Variants in RAB11FIP4 observed in about 807,000 individuals in gnomAD.
The protein encoded by RAB11FIP4 is rab11 family-interacting protein 4.
Under a neutral mutation model 74.3 loss-of-function variants are expected in RAB11FIP4, and 23 were observed. The ratio of observed to expected loss-of-function variants is 0.31; its 90% CI spans 0.22 to 0.44. The LOEUF (loss-of-function observed/expected upper bound fraction) is 0.44, where lower values mean the gene tolerates loss of function less well. RAB11FIP4 is among the 20% of genes least tolerant of loss of function. The probability of loss-of-function intolerance (pLI) is 1.00; values close to 1 mark genes in which losing one functional copy is unlikely to be tolerated. For missense variants in RAB11FIP4, 630 were observed against 863.9 expected (o/e 0.73, Z 3.39); for synonymous variants, 360 against 359.9 (o/e 1.00, Z 0.00).
chr17:31,525,501 T>A, intron 10 of RAB11FIP4: 2 of 472,480 alleles, frequency 4.2e-6, no homozygotes, highest in Non-Finnish European at 7.5e-6. Context: ...GGGCCTGGGC[T>A]GGGTCTCACA....
At chr17:31,499,395 C>T (rs1204172152) in intron 3 of RAB11FIP4, among the ~76,000 whole-genome samples, 1 of 151,996 alleles carries the variant, frequency 6.6e-6, no homozygotes, top group Admixed American at 6.6e-5. Context: ...TTCACTCTGT[C>T]GCCAGGCTGG....
At chr17:31,453,548 CGTT>C (rs1371200257) in intron 3 of RAB11FIP4, among the ~76,000 whole-genome samples, 1 of 151,630 alleles carries the variant, frequency 6.6e-6, no homozygotes, top group South Asian at 2.1e-4. Flanking sequence ...CTCCCAGGGT[CGTT>C]GTCAAAATGA....
At chr17:31,473,742 C>T (rs751617116) in intron 3 of RAB11FIP4, among the ~76,000 whole-genome samples, 3 of 152,150 alleles carry the variant, frequency 2.0e-5, no homozygotes, top group Non-Finnish European at 2.9e-5. Context: ...GAGGTTGGTG[C>T]GATTTGCTCA....
chr17:31,474,899 T>C (rs2071776446), intron 3 of RAB11FIP4, among the ~76,000 whole-genome samples: 1 of 151,018 alleles, frequency 6.6e-6, no homozygotes, highest in African/African-American at 2.4e-5. Flanking sequence ...AAAACAGAGA[T>C]TCACCTCACC....
At chr17:31,407,745 T>G (rs1291174568) in intron 1 of RAB11FIP4, among the ~76,000 whole-genome samples, 1 of 152,114 alleles carries the variant, frequency 6.6e-6, no homozygotes, top group African/African-American at 2.4e-5. Flanking sequence ...TGATGTTCAT[T>G]TGTTCTATTT....
intron 3 of RAB11FIP4, among the ~76,000 whole-genome samples, chr17:31,491,583 G>A (rs1305128089): frequency 2.6e-5 from 4 of 152,184 alleles, no homozygotes; most frequent in African/African-American, 7.2e-5. Flanking sequence ...GAGGTGGGAC[G>A]GTGGCTGGCA....
At chr17:31,505,307 T>G (rs1465121383) in intron 3 of RAB11FIP4, among the ~76,000 whole-genome samples, 2 of 145,868 alleles carry the variant, frequency 1.4e-5, no homozygotes, top group African/African-American at 5.1e-5. Flanking sequence ...TTGAGTGTAG[T>G]GTTCTGTATG....
chr17:31,392,143 G>A, intron 1 of RAB11FIP4, 132 bp downstream of exon 1: 1 of 713,254 alleles, frequency 1.4e-6, no homozygotes, highest in Non-Finnish European at 1.9e-6. Flanking sequence ...CCCTCCGCCG[G>A]AGCCCAGGAC....
intron 3 of RAB11FIP4, among the ~76,000 whole-genome samples, chr17:31,458,022 C>T (rs972315567): frequency 6.6e-6 from 1 of 152,174 alleles, no homozygotes; most frequent in Non-Finnish European, 1.5e-5. Flanking sequence ...ATGCTAATCT[C>T]CTTTAACCAC....
chr17:31,461,989 C>T (rs932513838), intron 3 of RAB11FIP4, among the ~76,000 whole-genome samples: 1 of 151,942 alleles, frequency 6.6e-6, no homozygotes, highest in African/African-American at 2.4e-5. Context: ...TGGCTGGGTG[C>T]GGTGGCTCAT....
chr17:31,421,994 A>T lies in RAB11FIP4; in HGVS notation c.160-9819A>T, dbSNP rs1479099719. On this transcript the variant is annotated intron_variant, in intron 1 of 14. Coordinates refer to ENST00000621161, the MANE Select transcript of RAB11FIP4 (RefSeq NM_032932.6). Reference sequence around the variant, plus strand: ...CAGGAGTTCGAGACCAGCCTGGGCAACATAGTGAGACCCCCCGTCTCTACA... The same window carrying T: ...CAGGAGTTCGAGACCAGCCTGGGCATCATAGTGAGACCCCCCGTCTCTACA... 2.0e-5 allele frequency among the ~76,000 whole-genome samples: 3 copies of T among 152,108 alleles called. No homozygotes were observed. In the East Asian group the frequency reaches 5.8e-4, roughly 30 times the overall value.
chr17:31,513,099 C>T (rs921779072), intron 3 of RAB11FIP4, among the ~76,000 whole-genome samples: 3 of 152,022 alleles, frequency 2.0e-5, no homozygotes, highest in East Asian at 1.9e-4. Context: ...GAGCATAGTG[C>T]GGTGAGGTGG....
intron 3 of RAB11FIP4, among the ~76,000 whole-genome samples, chr17:31,440,385 C>T (rs1392989152): frequency 2.0e-5 from 3 of 152,196 alleles, no homozygotes; most frequent in African/African-American, 7.2e-5. Flanking sequence ...TGTTTGTCTA[C>T]CTACTTTTAA....
intron 3 of RAB11FIP4, among the ~76,000 whole-genome samples, chr17:31,460,180 G>A (rs1025164841): frequency 3.9e-5 from 6 of 152,192 alleles, no homozygotes; most frequent in Non-Finnish European, 7.4e-5. Flanking sequence ...GAGCAAGCAC[G>A]TTGGAGACTC....
At chr17:31,494,677 A>G (rs902459716) in intron 3 of RAB11FIP4, among the ~76,000 whole-genome samples, 3 of 151,824 alleles carry the variant, frequency 2.0e-5, no homozygotes, top group Non-Finnish European at 4.4e-5. Flanking sequence ...AGGTGTTACT[A>G]TGTTACCCAG....
chr17:31,448,256 T>TA (rs143010637), intron 3 of RAB11FIP4, among the ~76,000 whole-genome samples: 1,730 of 151,862 alleles, frequency 0.011, 34 homozygotes, highest in African/African-American at 0.035. Context: ...TTCTTTTTTT[T>TA]AAGAAACAAA....
At chr17:31,488,069 G>A in intron 3 of RAB11FIP4, 1 of 1,016,912 alleles carries the variant, frequency 9.8e-7, no homozygotes, top group Non-Finnish European at 1.2e-6. Context: ...GGCCCACGCG[G>A]GTCTCCCGGC....
In RAB11FIP4 at chr17:31,517,726, G is replaced by A. The variant is rs774377268; in HGVS notation, c.412G>A (p.Glu138Lys). ...GGAACCCGGCTTTTTTCCCGAGGAC[G>A]AGGAGGAGGCTATGACGCTGGCGCC... ...PREPGFFPED[E>K]EEAMTLAPPE... The change falls in exon 4 of 15, where the codon GAG (glutamate) becomes AAG (lysine). Residue 138 changes from glutamate to lysine, a missense_variant. Physicochemically the swap from Glu to Lys is moderately conservative, Grantham distance 56. Coordinates refer to ENST00000621161, the MANE Select transcript of RAB11FIP4 (RefSeq NM_032932.6). The A allele has an allele frequency of 5.0e-6, 8 of 1,600,944 alleles. No individual in the cohort carries two copies. Among genetic ancestry groups the A allele is most frequent in the South Asian group, 4.6e-5 (4 of 87,902 alleles).
intron 3 of RAB11FIP4, among the ~76,000 whole-genome samples, chr17:31,502,655 C>T (rs947500163): frequency 4.6e-5 from 7 of 152,054 alleles, no homozygotes; most frequent in Non-Finnish European, 7.4e-5. Context: ...AGAAGGTGGG[C>T]GAAAAATCCA....
Sources: allele counts gnomAD v4.1 joint callset (sites outside exome capture counted in the v4.1 genomes callset), GRCh38; gene constraint gnomAD v4.1.1; transcripts MANE v1.5; gene names NCBI Gene and HGNC (gene_info 2026-07-23, HGNC 2026-07-21).